ADGRG5: variants seen among roughly 807,000 people sequenced by gnomAD.
ADGRG5 encodes adhesion G protein-coupled receptor G5, also known as G protein-coupled receptor 114.
A neutral mutation model predicts 53.2 loss-of-function variants in ADGRG5; 37 were observed. The observed-to-expected ratio is 0.70, with a 90% confidence interval of 0.53 to 0.91. The LOEUF is 0.91. Ranked by LOEUF, ADGRG5 falls within the 40% of genes least tolerant of loss-of-function variation. The probability of loss-of-function intolerance (pLI) is 0.00; values close to 1 mark genes in which losing one functional copy is unlikely to be tolerated. For missense variants in ADGRG5, 614 were observed against 675.8 expected (o/e 0.91, Z 1.01); for synonymous variants, 277 against 290.4 (o/e 0.95, Z 0.47).
the ADGRG5 span, among the ~76,000 whole-genome samples, chr16:57,535,238 G>T: frequency 6.6e-6 from 1 of 152,218 alleles, no homozygotes; most frequent in Non-Finnish European, 1.5e-5. Context: ...ACCTCTGGGG[G>T]GAGCTGGCTG....
chr16:57,530,814 A>T, the ADGRG5 span, among the ~76,000 whole-genome samples: 1 of 151,154 alleles, frequency 6.6e-6, no homozygotes, highest in Admixed American at 6.6e-5. Flanking sequence ...GGTCCTTCCA[A>T]AGTGGTCCAC....
the ADGRG5 span, chr16:57,529,172 G>A: frequency 5.9e-6 from 7 of 1,182,666 alleles, no homozygotes; most frequent in African/African-American, 6.5e-5. This position sits in a 1 kb window ranked among gnomAD's most constrained non-coding sequence, Gnocchi z 4.1. Context: ...TGGGCCCGTG[G>A]CTCATGGTGC....
Position 57,566,949 on chromosome 16 carries a change from C to G in ADGRG5, c.699+198C>G, listed in dbSNP as rs190979640. On this transcript the variant is annotated intron_variant, in intron 7 of 11. Coordinates refer to ENST00000349457, the MANE Select transcript of ADGRG5 (RefSeq NM_001304376.3). Reference sequence around the variant, plus strand: ...GGCATGGCTTGATCCACGGGCTGATCACTAAGATCACTAAGATAGCACTCT... The same window carrying G: ...GGCATGGCTTGATCCACGGGCTGATGACTAAGATCACTAAGATAGCACTCT... 4.6e-5 allele frequency among the ~76,000 whole-genome samples: 7 copies of G among 152,332 alleles called. 1 individual carries two copies. The highest frequency in any genetic ancestry group is 4.6e-4 in the Admixed American group (7 of 15,292).
At position 57,575,013 on chromosome 16, in the gene ADGRG5, C is replaced by G; in HGVS notation, c.1407C>G (p.Thr469=). The change falls in exon 11 of 12, where the codon ACC becomes ACG. Residue 469 remains threonine (T), a synonymous_variant. Transcript: ENST00000349457. ...GCCTCACCGTGCTGCTGGGAACCAC[C>G]TGGGCCTTGGCCTTCTTTTCTTTTG... ...VLGLTVLLGT[T]WALAFFSFGV... 2.5e-6 allele frequency: 4 copies of G among 1,614,060 alleles called. No homozygotes were observed. Among genetic ancestry groups the G allele is most frequent in the Non-Finnish European group, 3.4e-6 (4 of 1,180,002 alleles).
chr16:57,536,080 T>C, the ADGRG5 span, among the ~76,000 whole-genome samples: 1 of 147,514 alleles, frequency 6.8e-6, no homozygotes, highest in East Asian at 2.2e-4. Context: ...ATGGCCCCCA[T>C]TGGCAGTCGC....
At chr16:57,564,302 G>C (rs2033078455) in intron 5 of ADGRG5, among the ~76,000 whole-genome samples, 1 of 151,282 alleles carries the variant, frequency 6.6e-6, no homozygotes, top group African/African-American at 2.4e-5. Context: ...CCTAGACTAA[G>C]ACCTTACAGA....
At chr16:57,529,293 T>A in the ADGRG5 span, 1 of 1,118,174 alleles carries the variant, frequency 8.9e-7, no homozygotes, top group Non-Finnish European at 1.1e-6. The surrounding 1 kb of genome is among the most constrained non-coding windows in gnomAD (Gnocchi z 4.1). Context: ...CGCTTCCCTC[T>A]GGGCCACCGG....
chr16:57,559,306 G>A (rs1026799189), intron 1 of ADGRG5, among the ~76,000 whole-genome samples: 3 of 152,144 alleles, frequency 2.0e-5, no homozygotes, highest in Non-Finnish European at 4.4e-5. Context: ...TTTATCTCTC[G>A]GCAGCAGCCA....
At chr16:57,555,089 T>C (rs1161962951) in intron 1 of ADGRG5, among the ~76,000 whole-genome samples, 1 of 152,196 alleles carries the variant, frequency 6.6e-6, no homozygotes, top group East Asian at 1.9e-4. Flanking sequence ...TGGCCCAGAA[T>C]ATGGTCTATT....
At chr16:57,564,870 G>A (rs2033092480) in intron 5 of ADGRG5, among the ~76,000 whole-genome samples, 164 bp from the exon 6 acceptor site, 1 of 152,010 alleles carries the variant, frequency 6.6e-6, no homozygotes, top group South Asian at 2.1e-4. Context: ...ACATGCAAAG[G>A]CTGGGAGGCT....
In ADGRG5 at chr16:57,568,084, C is replaced by T. The variant is rs1219798062; in HGVS notation, c.1050C>T (p.Tyr350=). 8.1e-6 allele frequency: 13 copies of T among 1,614,030 alleles called. No individual in the cohort carries two copies. The highest frequency in any genetic ancestry group is 1.7e-5 in the Admixed American group (1 of 60,016). Residue 350 remains tyrosine, a synonymous_variant, in exon 9 of 12, where the codon TAC becomes TAT. Transcript: ENST00000349457. ...TCCTCGGGCGTGTCTACAACATCTA[C>T]ATCCGCAGATATGTGTTCAAGCTTG... ...YLLLGRVYNI[Y]IRRYVFKLGV...
the ADGRG5 span, among the ~76,000 whole-genome samples, chr16:57,536,269 C>A: frequency 6.6e-6 from 1 of 152,094 alleles, no homozygotes; most frequent in African/African-American, 2.4e-5. Flanking sequence ...CCCCATCACC[C>A]CGCGGCCCCT....
the ADGRG5 span, chr16:57,529,224 G>C: frequency 8.7e-7 from 1 of 1,147,018 alleles, no homozygotes; most frequent in Non-Finnish European, 1.1e-6. This position sits in a 1 kb window ranked among gnomAD's most constrained non-coding sequence, Gnocchi z 4.1. Flanking sequence ...TCGGGCTCAG[G>C]GGCGGCTCCG....
In ADGRG5 at chr16:57,574,862, A is replaced by G. The variant is rs182873909; in HGVS notation, c.1256A>G (p.Tyr419Cys). The G allele has an allele frequency of 2.5e-5, 41 of 1,610,646 alleles. No individual in the cohort carries two copies. The East Asian group carries it at 9.2e-4, about 36-fold the overall frequency. ...GTGCACAGTGTCCTGGTCATGGGCT[A>G]CGGCGGCCTCACGTCCCTCTTCAAC... ...PVVHSVLVMG[Y>C]GGLTSLFNLV... The change falls in exon 11 of 12, where the codon TAC (tyrosine) becomes TGC (cysteine). Residue 419 changes from tyrosine (Y) to cysteine (C), a missense_variant. By Grantham distance (194) the Tyr-to-Cys change is radical. Coordinates refer to ENST00000349457, the MANE Select transcript of ADGRG5 (RefSeq NM_001304376.3). The surrounding 1 kb of genome is among the most constrained non-coding windows in gnomAD (Gnocchi z 4.4).
intron 1 of ADGRG5, among the ~76,000 whole-genome samples, chr16:57,559,418 C>T (rs2032952944): frequency 6.6e-6 from 1 of 152,178 alleles, no homozygotes; most frequent in Non-Finnish European, 1.5e-5. Flanking sequence ...GGCTATGTTA[C>T]CATGGGGCCT....
chr16:57,564,875 GAGGCTGGGA>G (rs1313805276), intron 5 of ADGRG5, among the ~76,000 whole-genome samples, 150 bp from the exon 6 acceptor site: 1 of 151,796 alleles, frequency 6.6e-6, no homozygotes, highest in African/African-American at 2.4e-5. Context: ...CAAAGGCTGG[GAGGCTGGGA>G]AGGCTGGGAG....
chr16:57,533,918 T>C, the ADGRG5 span, among the ~76,000 whole-genome samples: 1 of 152,150 alleles, frequency 6.6e-6, no homozygotes, highest in Non-Finnish European at 1.5e-5. Context: ...CGTGGCCTCC[T>C]GTTCCCTTGG....
At chr16:57,535,136 C>T in the ADGRG5 span, among the ~76,000 whole-genome samples, 1 of 152,196 alleles carries the variant, frequency 6.6e-6, no homozygotes, top group Non-Finnish European at 1.5e-5. Flanking sequence ...CAGAGGACAG[C>T]CTGATTGAAT....
At position 57,574,984 on chromosome 16, in the gene ADGRG5, C is replaced by T. The variant is rs1306075064; in HGVS notation, c.1378C>T (p.Leu460=). Residue 460 remains leucine (L), a synonymous_variant, in exon 11 of 12, where the codon CTG becomes TTG. Coordinates refer to ENST00000349457, the MANE Select transcript of ADGRG5 (RefSeq NM_001304376.3). The surrounding 1 kb of genome is among the most constrained non-coding windows in gnomAD (Gnocchi z 4.4). ...VRACHDTVTV[L]GLTVLLGTTW... ...GGCCTGCCATGACACTGTCACTGTG[C>T]TGGGCCTCACCGTGCTGCTGGGAAC... 1 of 1,613,942 alleles carries T rather than the reference C, an allele frequency of 6.2e-7. No individual in the cohort carries two copies. Among genetic ancestry groups the T allele is most frequent in the East Asian group, 2.2e-5 (1 of 44,874 alleles).
Sources: gnomAD v4.1 joint callset for allele counts (sites outside exome capture counted in the v4.1 genomes callset) on GRCh38, gnomAD v4.1.1 for gene constraint, Gnocchi (gnomAD v3.1) non-coding constraint, MANE v1.5 for transcripts, NCBI Gene and HGNC (gene_info 2026-07-23, HGNC 2026-07-21) for gene names.